The following RPS6KA2 variants were observed in gnomAD, a reference collection of about 807,000 sequenced individuals.
The protein encoded by RPS6KA2 is ribosomal protein S6 kinase A2.
Under a neutral mutation model 91.8 loss-of-function variants are expected in RPS6KA2, and 42 were observed. The observed-to-expected ratio is 0.46, with a 90% confidence interval of 0.36 to 0.59. RPS6KA2 has a LOEUF of 0.59. RPS6KA2 is among the 20% of genes least tolerant of loss of function. The pLI is 0.00. For missense variants in RPS6KA2, 798 were observed against 978.5 expected (o/e 0.82, Z 2.46); for synonymous variants, 414 against 393.6 (o/e 1.05, Z -0.61).
chr6:166,451,365 G>GTGT, intron 12 of RPS6KA2, 132 bp from the exon 13 acceptor site: 1 of 888,504 alleles, frequency 1.1e-6, no homozygotes, highest in Non-Finnish European at 1.7e-6. Flanking sequence ...GTGTGCACGT[G>GTGT]GCGTATGCCT....
intron 2 of RPS6KA2, among the ~76,000 whole-genome samples, chr6:166,842,462 G>T (rs1583172009): frequency 1.3e-5 from 2 of 152,198 alleles, no homozygotes; most frequent in East Asian, 3.9e-4. Context: ...TTCTCCCAAA[G>T]AGTCCCCAGC....
chr6:166,589,806 T>G (rs1785299026), intron 1 of RPS6KA2, among the ~76,000 whole-genome samples: 1 of 152,154 alleles, frequency 6.6e-6, no homozygotes, highest in South Asian at 2.1e-4. Context: ...GTTGGAAACA[T>G]TTTCAAAATT....
chr6:166,585,049 T>G (rs150074209), intron 1 of RPS6KA2, among the ~76,000 whole-genome samples: 1 of 152,024 alleles, frequency 6.6e-6, no homozygotes, highest in African/African-American at 2.4e-5. Context: ...TCTTTGCACC[T>G]CTGAGTGCTG....
rs115440572 is a variant in RPS6KA2, at chr6:166,833,925, G to C, written c.123+24275C>G. 5.2e-3 allele frequency among the ~76,000 whole-genome samples: 782 copies of C among 150,920 alleles called. 11 individuals are homozygous for C. The highest frequency in any genetic ancestry group is 0.018 in the African/African-American group (751 of 40,956). ...TTTTTTTCTTTTTTTACAGGGTTGG[G>C]GTTTCACTATGTTGACCAGGCTGGT... is the stretch of plus-strand genomic sequence containing the variant. On this transcript the variant is annotated intron_variant, in intron 2 of 21. Coordinates refer to the RPS6KA2 transcript ENST00000503859.
At chr6:166,860,390 G>A (rs1211706111) in intron 1 of RPS6KA2, among the ~76,000 whole-genome samples, 2 of 152,200 alleles carry the variant, frequency 1.3e-5, no homozygotes, top group African/African-American at 4.8e-5. Flanking sequence ...AGGCAGGGCA[G>A]ACCATCAGTC....
intron 7 of RPS6KA2, among the ~76,000 whole-genome samples, chr6:166,499,644 T>C (rs1320272018): frequency 3.3e-5 from 5 of 152,178 alleles, no homozygotes; most frequent in Admixed American, 2.6e-4. Context: ...TTCTCCTCCT[T>C]CTCCTTCTGC....
At chr6:166,675,405 G>A (rs891960962) in intron 2 of RPS6KA2, among the ~76,000 whole-genome samples, 4 of 152,042 alleles carry the variant, frequency 2.6e-5, no homozygotes, top group East Asian at 1.9e-4. Context: ...CAGTTTCCAC[G>A]CTGTTAATCA....
chr6:166,647,772 TCATA>T (rs1787658931), intron 2 of RPS6KA2, among the ~76,000 whole-genome samples: 1 of 148,536 alleles, frequency 6.7e-6, no homozygotes, highest in African/African-American at 2.5e-5. Context: ...ACGCACATGC[TCATA>T]CACACACATG....
chr6:166,861,379 A>T (rs1306967041), intron 1 of RPS6KA2, among the ~76,000 whole-genome samples: 8 of 152,200 alleles, frequency 5.3e-5, no homozygotes, highest in Admixed American at 5.2e-4. Context: ...AGTAGACGTT[A>T]ATAAATTTGG....
rs764678473 is a variant in RPS6KA2 at position 166,413,907 on chromosome 6, C to T, written c.1963G>A (p.Val655Met). 1.9e-5 allele frequency: 30 copies of T among 1,614,062 alleles called. No homozygotes were observed. In the Middle Eastern group the frequency reaches 4.9e-4, roughly 27 times the overall value. Residue 655 changes from valine (V) to methionine (M), a missense_variant, in exon 20 of 21, where the codon GTG (valine) becomes ATG (methionine). Val to Met is a conservative substitution (Grantham distance 21, BLOSUM62 1). Coordinates refer to ENST00000265678, the MANE Select transcript of RPS6KA2 (RefSeq NM_021135.6). Reference sequence around the variant, plus strand: ...GCCGTCAGGCGCTGATGAGGGTCCACGTGGAGCATCTTGGACACGACGTCC... The same window carrying T: ...GCCGTCAGGCGCTGATGAGGGTCCATGTGGAGCATCTTGGACACGACGTCC... The part of the protein sequence containing the change: ...AKDVVSKMLH[V>M]DPHQRLTAMQ...
chr6:166,517,840 G>A (rs952820852), intron 3 of RPS6KA2, among the ~76,000 whole-genome samples: 1 of 152,184 alleles, frequency 6.6e-6, no homozygotes, highest in South Asian at 2.1e-4. Flanking sequence ...ACCTGTTCCT[G>A]CTGCAGATAA....
At chr6:166,438,548 C>G (rs575023117) in intron 14 of RPS6KA2, among the ~76,000 whole-genome samples, 1 of 152,170 alleles carries the variant, frequency 6.6e-6, no homozygotes, top group Non-Finnish European at 1.5e-5. Context: ...AATTTGCTAC[C>G]GAAAAGGGAG....
intron 1 of RPS6KA2, chr6:166,586,517 AT>A (rs1785179527): frequency 1.3e-6 from 2 of 1,568,772 alleles, no homozygotes; most frequent in Non-Finnish European, 1.7e-6. Flanking sequence ...GTATTGCTTA[AT>A]GTTTAGGTTG....
intron 2 of RPS6KA2, among the ~76,000 whole-genome samples, chr6:166,690,282 G>A (rs1789165795): frequency 6.6e-6 from 1 of 152,164 alleles, no homozygotes; most frequent in Admixed American, 6.5e-5. Flanking sequence ...CATCCAGAGT[G>A]AGTCCTTGAG....
intron 2 of RPS6KA2, among the ~76,000 whole-genome samples, chr6:166,780,284 G>T (rs1317448298): frequency 6.6e-6 from 1 of 152,240 alleles, no homozygotes; most frequent in Non-Finnish European, 1.5e-5. Context: ...CTCGGAGTAT[G>T]TGGGCCTAGT....
At chr6:166,820,581 T>C (rs891156812) in intron 2 of RPS6KA2, among the ~76,000 whole-genome samples, 1 of 152,246 alleles carries the variant, frequency 6.6e-6, no homozygotes, top group Non-Finnish European at 1.5e-5. Flanking sequence ...AAATGTTCTA[T>C]TCTGTTACCA....
intron 2 of RPS6KA2, among the ~76,000 whole-genome samples, chr6:166,811,768 G>C (rs1779644686): frequency 1.3e-5 from 2 of 152,312 alleles, no homozygotes; most frequent in Admixed American, 6.5e-5. Context: ...ATTTCTACTA[G>C]AGTTCCAAAG....
At position 166,823,431 on chromosome 6, in the gene RPS6KA2, T is replaced by C. The variant is rs12211670; in HGVS notation, c.123+34769A>G. Among the ~76,000 whole-genome samples the C allele has an allele frequency of 7.2e-3, 702 of 97,664 alleles. 6 individuals carry two copies. Among genetic ancestry groups the C allele is most frequent in the Middle Eastern group, 0.019 (4 of 214 alleles). 64.1% of individuals were successfully genotyped at this position (97,664 alleles called of 152,430 possible). The stretch of plus-strand genomic sequence containing the variant: ...AAATTGTTATGCACTGTATTGGTTT[T>C]GCAGTGTGTGTGTGTGTGTGTGTGT... On this transcript the variant is annotated intron_variant, in intron 2 of 21. Transcript: ENST00000503859.
intron 2 of RPS6KA2, among the ~76,000 whole-genome samples, chr6:166,637,318 C>G (rs1787278517): frequency 1.3e-5 from 2 of 152,338 alleles, no homozygotes; most frequent in South Asian, 2.1e-4. Context: ...CCTCAGAGAC[C>G]CTGCCTGGAG....
Sources: allele counts gnomAD v4.1 joint callset (sites outside exome capture counted in the v4.1 genomes callset), GRCh38; gene constraint gnomAD v4.1.1; transcripts MANE v1.5; gene names NCBI Gene and HGNC (gene_info 2026-07-23, HGNC 2026-07-21).